MPPED1: variants seen among roughly 807,000 people sequenced by gnomAD.
MPPED1 encodes the protein metallophosphoesterase domain containing 1, also known as metallophosphoesterase domain-containing protein 1.
A neutral mutation model predicts 36.2 loss-of-function variants in MPPED1; 16 were observed. That is an observed-to-expected ratio of 0.44 (90% CI 0.30 to 0.67). The LOEUF (loss-of-function observed/expected upper bound fraction) is 0.67. MPPED1 is among the 30% of genes least tolerant of loss of function. The pLI is 0.10. For synonymous variants in MPPED1, 199 were observed against 191.3 expected (o/e 1.04, Z -0.33); for missense variants, 307 against 453.4 (o/e 0.68, Z 2.93).
chr22:43,502,855 A>G lies in MPPED1; in HGVS notation c.862+98A>G. 9.9e-7 allele frequency: 1 copy of G among 1,006,478 alleles called. No individual in the cohort carries two copies. The highest frequency in any genetic ancestry group is 1.6e-6 in the Non-Finnish European group (1 of 638,572). The allele number at this position is 1,006,478 out of a possible 1,614,324, so 62.3% of individuals were successfully genotyped here. On this transcript the variant is annotated intron_variant, in intron 6 of 6. Coordinates refer to ENST00000443721, the MANE Select transcript of MPPED1 (RefSeq NM_001044370.2). The surrounding 1 kb of genome is among the most constrained non-coding windows in gnomAD (Gnocchi z 5.5). ...TCGTTCAGCCAGAAGGGAAATAAATAGCCCATTCCTACTGTTCGCTTTGTA... is the reference window on the plus strand; with the variant it reads ...TCGTTCAGCCAGAAGGGAAATAAATGGCCCATTCCTACTGTTCGCTTTGTA...
At chr22:43,421,275 A>T (rs953592724) in intron 1 of MPPED1, among the ~76,000 whole-genome samples, 1 of 152,256 alleles carries the variant, frequency 6.6e-6, no homozygotes, top group Non-Finnish European at 1.5e-5. Flanking sequence ...CTCCATAAAT[A>T]TTAAATGGGC....
chr22:43,424,078 C>T (rs981570392), intron 1 of MPPED1, among the ~76,000 whole-genome samples: 13 of 152,074 alleles, frequency 8.5e-5, no homozygotes, highest in Non-Finnish European at 1.6e-4. Flanking sequence ...ATATTTAAGT[C>T]CAGTAAATAT....
intron 3 of MPPED1, among the ~76,000 whole-genome samples, chr22:43,436,944 G>A (rs1020339678): frequency 2.6e-5 from 4 of 152,242 alleles, no homozygotes; most frequent in Admixed American, 6.5e-5. Flanking sequence ...TGCCCATGAT[G>A]GGTGGAAAGT....
chr22:43,412,181 C>A, intron 1 of MPPED1, 23 bp downstream of exon 1: 1 of 974,276 alleles, frequency 1.0e-6, no homozygotes, highest in African/African-American at 1.8e-5. Flanking sequence ...GCGGGCGGGG[C>A]GCGGCGGGCG....
chr22:43,502,635 C>T lies in MPPED1; in HGVS notation c.749-9C>T, dbSNP rs766335805. On this transcript the variant is annotated splice_polypyrimidine_tract_variant and intron_variant, in intron 5 of 6. Transcript: ENST00000443721. This position sits in a 1 kb window ranked among gnomAD's most constrained non-coding sequence, Gnocchi z 5.5. Reference sequence around the variant, plus strand: ...GCGTCATGGCCTCCTGTTGTCTCCCCCATACCAGGCTTCCTGGACTGGGTC... The same window carrying T: ...GCGTCATGGCCTCCTGTTGTCTCCCTCATACCAGGCTTCCTGGACTGGGTC... The T allele has an allele frequency of 3.7e-6, 6 of 1,611,458 alleles. No homozygotes were observed. The African/African-American group carries it at 8.0e-5, about 22-fold the overall frequency.
At chr22:43,412,798 A>G (rs1023701225) in intron 1 of MPPED1, among the ~76,000 whole-genome samples, 3 of 152,172 alleles carry the variant, frequency 2.0e-5, no homozygotes, top group East Asian at 1.9e-4. Flanking sequence ...GGGAATGTTG[A>G]TCATGGAATG....
Position 43,505,525 on chromosome 22 carries a change from C to T in MPPED1, c.890C>T (p.Thr297Ile). 6.2e-7 allele frequency: 1 copy of T among 1,611,676 alleles called. No homozygotes were observed. Among genetic ancestry groups the T allele is most frequent in the Non-Finnish European group, 8.5e-7 (1 of 1,179,058 alleles). Residue 297 changes from threonine (T) to isoleucine (I), a missense_variant, in exon 7 of 7, where the codon ACC becomes ATC. Physicochemically the swap from Thr to Ile is moderately conservative, Grantham distance 89. Coordinates refer to ENST00000443721, the MANE Select transcript of MPPED1 (RefSeq NM_001044370.2). ...EGYGVMADGT[T>I]TYVNASVCTV... ...TATGGTGTCATGGCAGATGGGACGA[C>T]CACCTATGTGAATGCGTCCGTATGC... is the stretch of plus-strand genomic sequence containing the variant.
In MPPED1 at chr22:43,455,606, ACT is replaced by A. The variant is rs569331939; in HGVS notation, c.407-19129_407-19128del. 1.5e-3 allele frequency among the ~76,000 whole-genome samples: 228 copies of A among 152,296 alleles called. 1 individual carries two copies. The highest frequency in any genetic ancestry group is 5.2e-3 in the African/African-American group (217 of 41,568). ...GCCTATAACAGGTGAAACTGCCATC[ACT>A]AGAGCTATTTTCTGTTTCCGACATA... On this transcript the variant is annotated intron_variant, in intron 3 of 6. Coordinates refer to ENST00000443721, the MANE Select transcript of MPPED1 (RefSeq NM_001044370.2).
chr22:43,504,220 G>A (rs542422512), intron 6 of MPPED1, among the ~76,000 whole-genome samples: 2 of 152,214 alleles, frequency 1.3e-5, no homozygotes, highest in African/African-American at 4.8e-5. Flanking sequence ...TGGTGGTGAT[G>A]ATGATAATGG....
At chr22:43,465,883 C>G (rs1400043684) in intron 3 of MPPED1, among the ~76,000 whole-genome samples, 1 of 152,094 alleles carries the variant, frequency 6.6e-6, no homozygotes, top group Non-Finnish European at 1.5e-5. Flanking sequence ...TGCAGTAGCC[C>G]CTGGGGAAGC....
At chr22:43,505,309 G>T (rs1382437144) in intron 6 of MPPED1, among the ~76,000 whole-genome samples, 189 bp from the exon 7 acceptor site, 3 of 152,062 alleles carry the variant, frequency 2.0e-5, no homozygotes, top group South Asian at 2.1e-4. Flanking sequence ...AATCCTCACA[G>T]CAGGCTTGGA....
intron 1 of MPPED1, chr22:43,417,814 C>G: frequency 2.0e-5 from 6 of 294,888 alleles, no homozygotes; most frequent in South Asian, 1.8e-4. Flanking sequence ...TTTTGGCTGT[C>G]CCATCAGAGA....
intron 3 of MPPED1, among the ~76,000 whole-genome samples, chr22:43,441,029 AC>A (rs569246609): frequency 2.0e-5 from 3 of 150,450 alleles, no homozygotes; most frequent in African/African-American, 4.9e-5. Flanking sequence ...AACCACTCAG[AC>A]CCCCCAGCTC....
intron 4 of MPPED1, among the ~76,000 whole-genome samples, chr22:43,477,320 C>T (rs1489552745): frequency 6.6e-6 from 1 of 152,226 alleles, no homozygotes; most frequent in Non-Finnish European, 1.5e-5. Context: ...TCCTCTCAGG[C>T]CCTGTCTGGG....
intron 4 of MPPED1, among the ~76,000 whole-genome samples, chr22:43,490,558 T>C (rs1187673995): frequency 1.3e-5 from 2 of 152,184 alleles, no homozygotes; most frequent in Non-Finnish European, 2.9e-5. Flanking sequence ...CCACAGGGTC[T>C]CTGATATGTT....
At chr22:43,473,036 T>G (rs1569081280) in intron 3 of MPPED1, among the ~76,000 whole-genome samples, 1 of 152,362 alleles carries the variant, frequency 6.6e-6, no homozygotes, top group East Asian at 1.9e-4. Flanking sequence ...CAGCCCATAT[T>G]GCAAGCATCC....
At chr22:43,470,948 G>A (rs866513684) in intron 3 of MPPED1, among the ~76,000 whole-genome samples, 1 of 152,190 alleles carries the variant, frequency 6.6e-6, no homozygotes, top group African/African-American at 2.4e-5. Flanking sequence ...AGTGTTTGAG[G>A]GTGTCACCCC....
chr22:43,417,977 A>T, intron 1 of MPPED1: 1 of 447,148 alleles, frequency 2.2e-6, no homozygotes, highest in South Asian at 1.6e-5. Context: ...GTTTCTCTGG[A>T]AGCTTCTCAT....
intron 5 of MPPED1, among the ~76,000 whole-genome samples, chr22:43,499,731 A>G (rs1291664983): frequency 1.8e-3 from 15 of 8,500 alleles, no homozygotes; most frequent in South Asian, 5.1e-3. Flanking sequence ...GGAGGTGGTG[A>G]TGGGGGTGGT....
Sources: allele counts gnomAD v4.1 joint callset (sites outside exome capture counted in the v4.1 genomes callset), GRCh38; gene constraint gnomAD v4.1.1; non-coding constraint Gnocchi (gnomAD v3.1); transcripts MANE v1.5; gene names NCBI Gene and HGNC (gene_info 2026-07-23, HGNC 2026-07-21).